The following DGLUCY variants were observed in gnomAD, a reference collection of about 807,000 sequenced individuals.
DGLUCY encodes D-glutamate cyclase, mitochondrial.
Under a neutral mutation model 58.5 loss-of-function variants are expected in DGLUCY, and 58 were observed. The ratio of observed to expected loss-of-function variants is 0.99; its 90% confidence interval spans 0.80 to 1.23. DGLUCY has a LOEUF of 1.23. DGLUCY is among the 50% of genes most tolerant of loss of function. DGLUCY has a pLI of 0.00. For synonymous variants in DGLUCY, 325 were observed against 314.1 expected (o/e 1.03, Z -0.37); for missense variants, 779 against 784.7 (o/e 0.99, Z 0.09).
chr14:91,181,498 C>T, intron 8 of DGLUCY, 109 bp downstream of exon 8: 7 of 1,115,764 alleles, frequency 6.3e-6, no homozygotes, highest in Non-Finnish European at 8.9e-6. Context: ...AATGTATCCA[C>T]AGGATGATTT....
chr14:91,198,894 G>A (rs528149639), intron 10 of DGLUCY, among the ~76,000 whole-genome samples: 1 of 152,258 alleles, frequency 6.6e-6, no homozygotes, highest in Non-Finnish European at 1.5e-5. Context: ...GTGGCAGGAG[G>A]ACCTGGAATC....
intron 1 of DGLUCY, among the ~76,000 whole-genome samples, chr14:91,157,119 G>GTGGA (rs57118948): frequency 0.41 from 53,822 of 129,950 alleles, 11,019 homozygotes; most frequent in East Asian, 0.64. Flanking sequence ...GGATGGATGG[G>GTGGA]TGGATGGATG....
At chr14:91,202,213 C>T (rs922481127) in intron 11 of DGLUCY, among the ~76,000 whole-genome samples, 7 of 152,018 alleles carry the variant, frequency 4.6e-5, no homozygotes, top group East Asian at 3.8e-4. Flanking sequence ...TCCCAGATGG[C>T]GCAGCTAATT....
At chr14:91,062,190 A>T (rs2043708071) in intron 1 of DGLUCY, among the ~76,000 whole-genome samples, 1 of 152,162 alleles carries the variant, frequency 6.6e-6, no homozygotes, top group Non-Finnish European at 1.5e-5. Context: ...TGAAATTTGA[A>T]TTTCACATAG....
chr14:91,068,611 G>C (rs180850443), intron 1 of DGLUCY, among the ~76,000 whole-genome samples: 2 of 152,324 alleles, frequency 1.3e-5, no homozygotes, highest in Admixed American at 6.5e-5. Flanking sequence ...GGAGGTTACA[G>C]TGAGCTGAGA....
chr14:91,173,341 C>T lies in DGLUCY; in HGVS notation c.509C>T (p.Thr170Met), dbSNP rs969186812. The change falls in exon 6 of 14, where the codon ACG becomes ATG. Residue 170 changes from threonine (T) to methionine (M), a missense_variant. Transcript: ENST00000256324. ...HAGFCCPLVV[T>M]MRPIPKDKLE... ...GGCTTCTGCTGCCCTCTGGTGGTCA[C>T]GATGAGGCCCATTCCCAAGGACAAG... is the stretch of plus-strand genomic sequence containing the variant. The T allele has an allele frequency of 4.3e-6, 7 of 1,613,232 alleles. No individual in the cohort carries two copies. The African/African-American group carries it at 5.4e-5, about 12-fold the overall frequency.
At chr14:91,148,221 T>C (rs965927182) in intron 1 of DGLUCY, among the ~76,000 whole-genome samples, 1 of 151,526 alleles carries the variant, frequency 6.6e-6, no homozygotes, top group Non-Finnish European at 1.5e-5. Context: ...TTTTTTTTTC[T>C]TGAGACAGGA....
intron 1 of DGLUCY, among the ~76,000 whole-genome samples, chr14:91,136,978 A>G (rs1025951544): frequency 1.3e-5 from 2 of 152,108 alleles, no homozygotes; most frequent in African/African-American, 4.8e-5. Flanking sequence ...TCAAAAAAAA[A>G]AAATGCAGAC....
In DGLUCY at chr14:91,204,838, A is replaced by G. The variant is rs1567006937; in HGVS notation, c.1564+13A>G. On this transcript the variant is annotated intron_variant, in intron 12 of 13. Coordinates refer to ENST00000256324, the MANE Select transcript of DGLUCY (RefSeq NM_001102368.3). ...GCCGTCATTGCTGGTGAGCACTCGG[A>G]TGGCCGCCCAGTCCGGCCGGCTACC... 6.2e-7 allele frequency: 1 copy of G among 1,613,846 alleles called. No homozygotes were observed.
chr14:91,093,745 C>T (rs138907129), intron 1 of DGLUCY, among the ~76,000 whole-genome samples: 39 of 152,068 alleles, frequency 2.6e-4, no homozygotes, highest in Middle Eastern at 3.4e-3. Context: ...ACGGAGGTCA[C>T]GGTGAACTGA....
intron 8 of DGLUCY, among the ~76,000 whole-genome samples, chr14:91,184,655 GGGAA>G (rs1366442324): frequency 1.7e-5 from 2 of 119,706 alleles, no homozygotes; most frequent in African/African-American, 3.3e-5. Context: ...GAGGGAGGGA[GGGAA>G]GGAGGGAGGG....
In DGLUCY at chr14:91,082,270, A is replaced by T. The variant is rs1040954935; in HGVS notation, c.-82+21566A>T. Among the ~76,000 whole-genome samples, 7 of 151,862 alleles carry T rather than the reference A, an allele frequency of 4.6e-5. No individual in the cohort carries two copies. In the East Asian group the frequency reaches 1.2e-3, roughly 25 times the overall value. On this transcript the variant is annotated intron_variant, in intron 1 of 4. Transcript: ENST00000521334. ...AATTCCAAGATAAAAAGTGAGCCACACTCCCCCCTTCCCATGAAAGAGGTA... is the reference window on the plus strand; with the variant it reads ...AATTCCAAGATAAAAAGTGAGCCACTCTCCCCCCTTCCCATGAAAGAGGTA...
At chr14:91,082,456 T>G (rs1490231269) in intron 1 of DGLUCY, among the ~76,000 whole-genome samples, 1 of 152,212 alleles carries the variant, frequency 6.6e-6, no homozygotes, top group African/African-American at 2.4e-5. Context: ...GAGAACAAAG[T>G]CCACCTCATC....
chr14:91,167,284 T>G lies in DGLUCY; in HGVS notation c.163T>G (p.Phe55Val). ...GTCCCTTGCTCCAGCTTTTGAAAGA[T>G]TCTGCCAGGTCAACACTGGTCCTCT... is the stretch of plus-strand genomic sequence containing the variant. ...PRSLAPAFERFCQVNTGPLPL... is the reference protein window; with the variant it reads ...PRSLAPAFERVCQVNTGPLPL... Residue 55 changes from phenylalanine to valine, a missense_variant, in exon 4 of 14, where the codon TTC (phenylalanine) becomes GTC (valine). Physicochemically the swap from Phe to Val is conservative, Grantham distance 50. Coordinates refer to ENST00000256324, the MANE Select transcript of DGLUCY (RefSeq NM_001102368.3). 6.2e-7 allele frequency: 1 copy of G among 1,612,830 alleles called. No homozygotes were observed. Among genetic ancestry groups the G allele is most frequent in the Non-Finnish European group, 8.5e-7 (1 of 1,179,696 alleles).
At position 91,196,355 on chromosome 14, in the gene DGLUCY, T is replaced by C. The variant is rs1261328620; in HGVS notation, c.1196-20T>C. 6.2e-7 allele frequency: 1 copy of C among 1,609,374 alleles called. No homozygotes were observed. The highest frequency in any genetic ancestry group is 1.1e-5 in the South Asian group (1 of 90,888). ...CCAACACTAGAGCTGATGTGTGCCC[T>C]GCTTGCCTTTATTTTCAAGGTGTTC... On this transcript the variant is annotated intron_variant, in intron 9 of 13. Transcript: ENST00000256324.
At chr14:91,165,308 C>T (rs2048216486) in intron 3 of DGLUCY, 2 of 455,538 alleles carry the variant, frequency 4.4e-6, no homozygotes, top group Admixed American at 4.7e-5. Flanking sequence ...CAATAACTTA[C>T]ATACATTACC....
intron 13 of DGLUCY, among the ~76,000 whole-genome samples, chr14:91,219,848 T>A (rs1887164731): frequency 6.6e-6 from 1 of 152,188 alleles, no homozygotes; most frequent in Non-Finnish European, 1.5e-5. Flanking sequence ...GGTGGAGAAC[T>A]TGGTCTTCCT....
intron 13 of DGLUCY, 40 bp from the exon 14 acceptor site, chr14:91,224,643 TC>T: frequency 6.5e-7 from 1 of 1,529,982 alleles, no homozygotes; most frequent in African/African-American, 1.4e-5. Flanking sequence ...TTCTTTTTCC[TC>T]CCCCTCCACT....
At chr14:91,169,863 C>T (rs988947232) in intron 4 of DGLUCY, 140 bp from the exon 5 acceptor site, 4 of 826,318 alleles carry the variant, frequency 4.8e-6, no homozygotes, top group Middle Eastern at 3.7e-4. Flanking sequence ...CTGCTGAAAA[C>T]TATGCTCCCT....
Sources: allele counts gnomAD v4.1 joint callset (sites outside exome capture counted in the v4.1 genomes callset), GRCh38; gene constraint gnomAD v4.1.1; transcripts MANE v1.5; gene names NCBI Gene and HGNC (gene_info 2026-07-23, HGNC 2026-07-21).